ADAMTSL1: variants seen among roughly 807,000 people sequenced by gnomAD.
The protein encoded by ADAMTSL1 is ADAMTS like 1, also known as ADAMTS-like protein 1.
ADAMTSL1 carries 126 observed loss-of-function variants against 201.8 expected under a neutral mutation model. The observed-to-expected ratio is 0.62, with a 90% confidence interval of 0.54 to 0.72. The LOEUF (loss-of-function observed/expected upper bound fraction) is 0.72. ADAMTSL1 is among the 30% of genes least tolerant of loss of function. The pLI, the probability that ADAMTSL1 is intolerant of heterozygous loss-of-function variation, is 0.00. For missense variants in ADAMTSL1, 2,679 were observed against 2,277.8 expected, an observed-to-expected ratio of 1.18 and a Z score of -3.59; for synonymous variants, 1,121 against 903.4, an observed-to-expected ratio of 1.24 and a Z score of -4.32.
intron 1 of ADAMTSL1, among the ~76,000 whole-genome samples, chr9:18,085,785 A>T (rs1240893682): frequency 6.6e-6 from 1 of 151,450 alleles, no homozygotes; most frequent in Admixed American, 6.6e-5. Context: ...ATATATACAC[A>T]CACACACACA....
chr9:17,911,196 C>T (rs1457833491), intron 1 of ADAMTSL1, among the ~76,000 whole-genome samples: 1 of 68,824 alleles, frequency 1.5e-5, no homozygotes, highest in African/African-American at 2.9e-5. Flanking sequence ...TTAAAGGATT[C>T]TTTTCTTTCC....
intron 2 of ADAMTSL1, among the ~76,000 whole-genome samples, chr9:18,282,018 A>T (rs927792457): frequency 3.3e-5 from 5 of 152,164 alleles, no homozygotes; most frequent in Non-Finnish European, 5.9e-5. Flanking sequence ...ACCTGGGTAT[A>T]TTGCATACTG....
chr9:18,398,317 A>G (rs1430661073), intron 2 of ADAMTSL1, among the ~76,000 whole-genome samples: 1 of 152,176 alleles, frequency 6.6e-6, no homozygotes, highest in African/African-American at 2.4e-5. Flanking sequence ...CATATTGAGT[A>G]AAATAACTTA....
chr9:18,133,418 T>A (rs952365682), intron 1 of ADAMTSL1, among the ~76,000 whole-genome samples: 1 of 152,160 alleles, frequency 6.6e-6, no homozygotes, highest in East Asian at 1.9e-4. Flanking sequence ...TGGGCCAGGG[T>A]CTGGGCTAAA....
chr9:18,318,656 A>C (rs552130735), intron 2 of ADAMTSL1, among the ~76,000 whole-genome samples: 1 of 152,174 alleles, frequency 6.6e-6, no homozygotes, highest in East Asian at 1.9e-4. Flanking sequence ...CAAGGAGCTG[A>C]TATGATTGGA....
intron 1 of ADAMTSL1, among the ~76,000 whole-genome samples, chr9:17,976,834 C>T (rs1458784890): frequency 6.8e-6 from 1 of 146,576 alleles, no homozygotes; most frequent in Non-Finnish European, 1.5e-5. Context: ...TTTTGTTTTT[C>T]TTGCCTAGTT....
chr9:18,203,811 C>G (rs929811693), intron 2 of ADAMTSL1, among the ~76,000 whole-genome samples: 21 of 152,122 alleles, frequency 1.4e-4, no homozygotes, highest in African/African-American at 3.9e-4. Context: ...CCGATTTGGC[C>G]TAAACTTCAC....
chr9:18,541,767 A>G (rs777737145), intron 3 of ADAMTSL1, among the ~76,000 whole-genome samples: 29 of 152,220 alleles, frequency 1.9e-4, no homozygotes, highest in Non-Finnish European at 3.7e-4. Context: ...GAAAATGTTA[A>G]TACAATGTTA....
chr9:18,601,284 A>T (rs915694561), intron 4 of ADAMTSL1, among the ~76,000 whole-genome samples: 2 of 152,218 alleles, frequency 1.3e-5, no homozygotes, highest in African/African-American at 4.8e-5. Context: ...TGACAAGAAC[A>T]TCAACTATGT....
intron 2 of ADAMTSL1, among the ~76,000 whole-genome samples, chr9:18,319,150 G>A (rs986143171): frequency 1.4e-4 from 22 of 152,004 alleles, no homozygotes; most frequent in African/African-American, 4.8e-4. Context: ...GTTCAAAGCT[G>A]CACTGAGCCA....
At chr9:18,013,777 T>G (rs1173138400) in intron 1 of ADAMTSL1, among the ~76,000 whole-genome samples, 1 of 152,006 alleles carries the variant, frequency 6.6e-6, no homozygotes, top group Non-Finnish European at 1.5e-5. Flanking sequence ...AAGCATTTAA[T>G]TGTAACTATA....
intron 1 of ADAMTSL1, among the ~76,000 whole-genome samples, chr9:18,134,759 C>T (rs1262405603): frequency 6.6e-6 from 1 of 152,102 alleles, no homozygotes; most frequent in Non-Finnish European, 1.5e-5. Context: ...ACCCAAGCAT[C>T]TGAAATGATA....
intron 3 of ADAMTSL1, among the ~76,000 whole-genome samples, chr9:18,564,394 C>T (rs562750849): frequency 3.3e-5 from 5 of 152,198 alleles, no homozygotes; most frequent in South Asian, 2.1e-4. Flanking sequence ...TTGGAAATGC[C>T]GAAATCACCT....
chr9:18,391,536 C>T (rs1587055059), intron 2 of ADAMTSL1, among the ~76,000 whole-genome samples: 1 of 152,038 alleles, frequency 6.6e-6, no homozygotes, highest in Non-Finnish European at 1.5e-5. Context: ...GCCTTGAACT[C>T]CTGGGCTCCA....
At chr9:18,117,547 G>A (rs115958040) in intron 1 of ADAMTSL1, among the ~76,000 whole-genome samples, 2,537 of 152,084 alleles carry the variant, frequency 0.017, 81 homozygotes, top group African/African-American at 0.058. Flanking sequence ...AATGAGGCTG[G>A]CCCTCTCCAT....
chr9:18,789,849 A>C (rs1821921886), intron 19 of ADAMTSL1, among the ~76,000 whole-genome samples: 1 of 152,176 alleles, frequency 6.6e-6, no homozygotes, highest in Non-Finnish European at 1.5e-5. Flanking sequence ...GATGTGGGGC[A>C]GATAAGTTTG....
At chr9:18,605,512 C>T (rs1450297964) in intron 4 of ADAMTSL1, among the ~76,000 whole-genome samples, 2 of 152,174 alleles carry the variant, frequency 1.3e-5, no homozygotes, top group Non-Finnish European at 2.9e-5. Flanking sequence ...AAGGCAAGAG[C>T]ATGTTTGTAC....
chr9:18,129,503 T>C (rs1414776313), intron 1 of ADAMTSL1, among the ~76,000 whole-genome samples: 1 of 152,194 alleles, frequency 6.6e-6, no homozygotes, highest in Non-Finnish European at 1.5e-5. Context: ...TCTTTCCTAA[T>C]TATCTTTTCA....
intron 2 of ADAMTSL1, among the ~76,000 whole-genome samples, chr9:18,435,017 C>T (rs1193397489): frequency 6.6e-6 from 1 of 152,144 alleles, no homozygotes; most frequent in Non-Finnish European, 1.5e-5. Context: ...ACAATAGATG[C>T]TAAATGCATG....
Sources: allele counts gnomAD v4.1 joint callset (sites outside exome capture counted in the v4.1 genomes callset), GRCh38; gene constraint gnomAD v4.1.1; transcripts MANE v1.5; gene names NCBI Gene and HGNC (gene_info 2026-07-23, HGNC 2026-07-21).